ZNF804B: variants seen among roughly 807,000 people sequenced by gnomAD.
ZNF804B encodes the protein zinc finger 804B.
In ZNF804B, 80 loss-of-function variants were observed where a neutral mutation model predicts 101.4. That is an observed-to-expected ratio of 0.79 (90% CI 0.66 to 0.95). The LOEUF (loss-of-function observed/expected upper bound fraction) is 0.95. ZNF804B is among the 40% of genes least tolerant of loss of function. The pLI is 0.00. For synonymous variants in ZNF804B, 622 were observed against 558.8 expected (o/e 1.11, Z -1.59); for missense variants, 1,673 against 1,561.9 (o/e 1.07, Z -1.20).
intron 1 of ZNF804B, among the ~76,000 whole-genome samples, chr7:88,893,041 T>C (rs1180305155): frequency 2.0e-5 from 3 of 152,092 alleles, no homozygotes; most frequent in African/African-American, 7.2e-5. Context: ...TATGGGGTTT[T>C]AATGTGGGTT....
At chr7:89,250,409 C>T (rs1253157719) in intron 2 of ZNF804B, among the ~76,000 whole-genome samples, 4 of 151,958 alleles carry the variant, frequency 2.6e-5, no homozygotes, top group African/African-American at 9.7e-5. Context: ...CCTTAACAAA[C>T]CAATATCATG....
intron 1 of ZNF804B, among the ~76,000 whole-genome samples, chr7:88,930,944 A>G (rs954873141): frequency 6.6e-6 from 1 of 151,920 alleles, no homozygotes; most frequent in Non-Finnish European, 1.5e-5. Context: ...AGTAGCTATT[A>G]TAGCCCAGCC....
rs561333485 is a variant in ZNF804B, at chr7:89,201,663, A to T, written c.109-16492A>T. Among the ~76,000 whole-genome samples the T allele has an allele frequency of 4.6e-5, 7 of 152,182 alleles. No homozygotes were observed. In the South Asian group the frequency reaches 1.5e-3, roughly 32 times the overall value. Reference sequence around the variant, plus strand: ...TGTAATAAAAGAGAAAATGGGAGATAGTAATAATATACTCTCTAAAGTTTG... The same window carrying T: ...TGTAATAAAAGAGAAAATGGGAGATTGTAATAATATACTCTCTAAAGTTTG... On this transcript the variant is annotated intron_variant, in intron 1 of 3. Coordinates refer to ENST00000333190, the MANE Select transcript of ZNF804B (RefSeq NM_181646.5).
chr7:88,872,715 T>G (rs62462059), intron 1 of ZNF804B, among the ~76,000 whole-genome samples: 1 of 149,730 alleles, frequency 6.7e-6, no homozygotes, highest in African/African-American at 2.5e-5. Flanking sequence ...TGAGAATATG[T>G]GGCGTTTGGT....
intron 1 of ZNF804B, among the ~76,000 whole-genome samples, chr7:89,135,321 A>T (rs1229964252): frequency 6.6e-6 from 1 of 152,072 alleles, no homozygotes; most frequent in Non-Finnish European, 1.5e-5. Context: ...TTATTTGCTG[A>T]TCTTGAATAC....
intron 2 of ZNF804B, among the ~76,000 whole-genome samples, chr7:89,253,599 C>G (rs1197625669): frequency 6.6e-6 from 1 of 152,042 alleles, no homozygotes; most frequent in African/African-American, 2.4e-5. Context: ...AAAATCCTCT[C>G]ATTGTGTAAA....
At chr7:89,028,687 T>G (rs1230893628) in intron 1 of ZNF804B, among the ~76,000 whole-genome samples, 2 of 152,136 alleles carry the variant, frequency 1.3e-5, no homozygotes, top group African/African-American at 4.8e-5. Context: ...AAATTATGCT[T>G]TGTTTGTGCT....
chr7:89,292,489 A>T (rs1312829629), intron 2 of ZNF804B, among the ~76,000 whole-genome samples: 2 of 152,100 alleles, frequency 1.3e-5, no homozygotes, highest in East Asian at 3.8e-4. Flanking sequence ...TTATCAGCTT[A>T]AAATAATATT....
chr7:89,272,370 A>C (rs1304340587), intron 2 of ZNF804B, among the ~76,000 whole-genome samples: 1 of 152,104 alleles, frequency 6.6e-6, no homozygotes, highest in Non-Finnish European at 1.5e-5. Context: ...TGAGTACTTC[A>C]CAGGCAAATT....
intron 1 of ZNF804B, among the ~76,000 whole-genome samples, chr7:89,175,989 A>G (rs1218942683): frequency 3.3e-5 from 5 of 152,022 alleles, no homozygotes; most frequent in Non-Finnish European, 7.4e-5. Context: ...CAAATATAAG[A>G]TCATATCATC....
chr7:88,910,317 C>T (rs184977430), intron 1 of ZNF804B, among the ~76,000 whole-genome samples: 20 of 151,874 alleles, frequency 1.3e-4, no homozygotes, highest in Non-Finnish European at 2.2e-4. Context: ...TCAGTATTTC[C>T]GAGAGCCTGA....
chr7:88,946,148 G>T lies in ZNF804B; in HGVS notation c.108+186064G>T, dbSNP rs139132347. ...TATGTTGAATAGGAGTGGTGAAAGA[G>T]AGCATCCTTGTCCTGTGCCGGTTTT... is the stretch of plus-strand genomic sequence containing the variant. On this transcript the variant is annotated intron_variant, in intron 1 of 3. Coordinates refer to ENST00000333190, the MANE Select transcript of ZNF804B (RefSeq NM_181646.5). Among the ~76,000 whole-genome samples, 219 of 152,198 alleles carry T rather than the reference G, an allele frequency of 1.4e-3. 1 individual carries two copies. The highest frequency in any genetic ancestry group is 5.1e-3 in the African/African-American group (211 of 41,556).
chr7:89,064,132 A>C (rs1255293658), intron 1 of ZNF804B, among the ~76,000 whole-genome samples: 1 of 151,946 alleles, frequency 6.6e-6, no homozygotes, highest in Non-Finnish European at 1.5e-5. Context: ...GCATTGGCAG[A>C]CCCTCCGTGG....
intron 1 of ZNF804B, among the ~76,000 whole-genome samples, chr7:88,789,188 T>A (rs1210570995): frequency 2.0e-5 from 3 of 152,068 alleles, no homozygotes; most frequent in Non-Finnish European, 4.4e-5. Flanking sequence ...AAGAACTAGT[T>A]TTTTTGTATA....
At chr7:88,864,751 C>A (rs890239577) in intron 1 of ZNF804B, among the ~76,000 whole-genome samples, 10 of 152,106 alleles carry the variant, frequency 6.6e-5, no homozygotes, top group Non-Finnish European at 1.2e-4. Flanking sequence ...CAGTGTTGGT[C>A]TCAGGCAGTT....
chr7:89,224,145 A>C (rs1194603528), intron 2 of ZNF804B, among the ~76,000 whole-genome samples: 2 of 152,046 alleles, frequency 1.3e-5, no homozygotes, highest in Non-Finnish European at 2.9e-5. Context: ...TTGAAAAAAC[A>C]AATGAGCCAG....
chr7:89,250,417 A>G (rs1789520439), intron 2 of ZNF804B, among the ~76,000 whole-genome samples: 1 of 152,164 alleles, frequency 6.6e-6, no homozygotes, highest in Non-Finnish European at 1.5e-5. Context: ...AACCAATATC[A>G]TGTTCTGAAA....
At chr7:89,209,232 G>A (rs997679417) in intron 1 of ZNF804B, among the ~76,000 whole-genome samples, 1 of 151,914 alleles carries the variant, frequency 6.6e-6, no homozygotes, top group African/African-American at 2.4e-5. Flanking sequence ...GAACGCCACC[G>A]AGAGACAATT....
chr7:89,282,432 A>T (rs908143110), intron 2 of ZNF804B, among the ~76,000 whole-genome samples: 4 of 152,166 alleles, frequency 2.6e-5, no homozygotes, highest in African/African-American at 4.8e-5. Context: ...AAAAAAGTTG[A>T]CAAAAATAAC....
Sources: gnomAD v4.1 joint callset for allele counts (sites outside exome capture counted in the v4.1 genomes callset) on GRCh38, gnomAD v4.1.1 for gene constraint, MANE v1.5 for transcripts, NCBI Gene and HGNC (gene_info 2026-07-23, HGNC 2026-07-21) for gene names.